The following RAB11FIP3 variants were observed in gnomAD, a reference collection of about 807,000 sequenced individuals.
RAB11FIP3 encodes RAB11 family interacting protein 3, also known as rab11 family-interacting protein 3.
Under a neutral mutation model 77.8 loss-of-function variants are expected in RAB11FIP3, and 17 were observed. That is an observed-to-expected ratio of 0.22 (90% confidence interval 0.15 to 0.33). The LOEUF (loss-of-function observed/expected upper bound fraction) is 0.33. Ranked by LOEUF, RAB11FIP3 falls within the 10% of genes least tolerant of loss-of-function variation. The pLI is 1.00. For missense variants in RAB11FIP3, 1,005 were observed against 1,011.2 expected (o/e 0.99, Z 0.08); for synonymous variants, 437 against 448.2 (o/e 0.98, Z 0.31).
chr16:450,253 T>G (rs2055385140), intron 1 of RAB11FIP3, among the ~76,000 whole-genome samples: 1 of 152,156 alleles, frequency 6.6e-6, no homozygotes, highest in Admixed American at 6.5e-5. Context: ...TACTGCAACC[T>G]CTGCCTCCCG....
intron 2 of RAB11FIP3, among the ~76,000 whole-genome samples, chr16:470,402 G>A (rs2055787777): frequency 6.6e-6 from 1 of 152,174 alleles, no homozygotes; most frequent in Non-Finnish European, 1.5e-5. Flanking sequence ...CAAAGTGCTG[G>A]GATTACAGGC....
chr16:455,942 A>G (rs1169843027), intron 1 of RAB11FIP3, among the ~76,000 whole-genome samples: 2 of 152,192 alleles, frequency 1.3e-5, no homozygotes, highest in East Asian at 3.8e-4. Flanking sequence ...TTTATTGAAC[A>G]TCCTTTCATT....
At chr16:492,443 C>T (rs1427422981) in intron 5 of RAB11FIP3, among the ~76,000 whole-genome samples, 3 of 141,838 alleles carry the variant, frequency 2.1e-5, no homozygotes, top group African/African-American at 7.8e-5. Flanking sequence ...GACCCGAGGC[C>T]GCCCAGGGCC....
At chr16:458,456 C>T (rs28516767) in intron 1 of RAB11FIP3, among the ~76,000 whole-genome samples, 72 of 63,314 alleles carry the variant, frequency 1.1e-3, no homozygotes, top group East Asian at 3.7e-3. Context: ...TCGGGTTCAC[C>T]GATGCCCACA....
At chr16:502,040 G>A (rs1159511659) in intron 6 of RAB11FIP3, among the ~76,000 whole-genome samples, 3 of 152,256 alleles carry the variant, frequency 2.0e-5, no homozygotes, top group Non-Finnish European at 2.9e-5. Context: ...GCTTTTTAAC[G>A]GTCACGCAGT....
chr16:451,877 C>G (rs545137820), intron 1 of RAB11FIP3, among the ~76,000 whole-genome samples: 1 of 150,004 alleles, frequency 6.7e-6, no homozygotes, highest in Non-Finnish European at 1.5e-5. Context: ...GGCCGGGGCT[C>G]GGTGGCTCAT....
At chr16:468,283 T>A (rs1567374359) in intron 2 of RAB11FIP3, among the ~76,000 whole-genome samples, 8 of 144,692 alleles carry the variant, frequency 5.5e-5, no homozygotes, top group East Asian at 2.1e-4. Flanking sequence ...AGGGAGGAGG[T>A]GCAGGGGCGT....
chr16:427,198 T>G (rs2054962993), intron 1 of RAB11FIP3, among the ~76,000 whole-genome samples: 1 of 152,272 alleles, frequency 6.6e-6, no homozygotes, highest in Non-Finnish European at 1.5e-5. Flanking sequence ...ACACCTATTT[T>G]GAGTACAATT....
chr16:466,779 G>T (rs2055708096), intron 2 of RAB11FIP3, among the ~76,000 whole-genome samples: 1 of 152,172 alleles, frequency 6.6e-6, no homozygotes, highest in Non-Finnish European at 1.5e-5. Context: ...TGTCACCTGG[G>T]CCAATCCCAC....
chr16:428,725 A>G (rs1355964315), intron 1 of RAB11FIP3, among the ~76,000 whole-genome samples: 2 of 152,092 alleles, frequency 1.3e-5, no homozygotes, highest in Non-Finnish European at 2.9e-5. Context: ...CAATATCCCT[A>G]TTGTGATAAT....
At chr16:455,911 T>C (rs1262586078) in intron 1 of RAB11FIP3, among the ~76,000 whole-genome samples, 1 of 152,180 alleles carries the variant, frequency 6.6e-6, no homozygotes, top group Non-Finnish European at 1.5e-5. Flanking sequence ...TCAGGCTTTA[T>C]ACTAAGTGCA....
rs150115007 is a variant in RAB11FIP3, at chr16:429,987, C to G, written c.714+3267C>G. On this transcript the variant is annotated intron_variant, in intron 1 of 13. Transcript: ENST00000262305. ...TAGCAATGTCATGGTGTGTTTGGATCTAATTACGTCATCTGGTGATAGATC... is the reference window on the plus strand; with the variant it reads ...TAGCAATGTCATGGTGTGTTTGGATGTAATTACGTCATCTGGTGATAGATC... Among the ~76,000 whole-genome samples the G allele has an allele frequency of 1.2e-4, 19 of 152,210 alleles. No individual in the cohort carries two copies. In the East Asian group the frequency reaches 3.3e-3, roughly 26 times the overall value.
At chr16:503,966 AC>A (rs1348862346) in intron 7 of RAB11FIP3, among the ~76,000 whole-genome samples, 15 of 13,904 alleles carry the variant, frequency 1.1e-3, no homozygotes, top group Non-Finnish European at 1.4e-3. Flanking sequence ...CTCCTCCTGT[AC>A]CCCCTCACCA....
intron 2 of RAB11FIP3, among the ~76,000 whole-genome samples, chr16:468,491 A>G (rs978562341): frequency 1.3e-5 from 2 of 152,108 alleles, no homozygotes; most frequent in Non-Finnish European, 2.9e-5. Flanking sequence ...TTTAGAAGAA[A>G]GGAAAATGTG....
chr16:474,702 G>A (rs2055869073), intron 3 of RAB11FIP3: 1 of 745,376 alleles, frequency 1.3e-6, no homozygotes. Flanking sequence ...AGTGAAATGT[G>A]TCTTTTGTGC....
At chr16:432,492 T>A (rs1352297120) in intron 1 of RAB11FIP3, among the ~76,000 whole-genome samples, 4 of 152,134 alleles carry the variant, frequency 2.6e-5, no homozygotes, top group African/African-American at 9.7e-5. Context: ...AATTAAATAT[T>A]TAATATGTAA....
chr16:497,582 G>A lies in RAB11FIP3; in HGVS notation c.1301+723G>A, dbSNP rs531737391. 164 of 755,310 alleles carry A rather than the reference G, an allele frequency of 2.2e-4. 3 individuals are homozygous for A. The African/African-American group carries it at 2.8e-3, about 13-fold the overall frequency. The allele number at this position is 755,310 out of a possible 1,614,324, so 46.8% of individuals were successfully genotyped here. On this transcript the variant is annotated intron_variant, in intron 6 of 13. Coordinates refer to ENST00000262305, the MANE Select transcript of RAB11FIP3 (RefSeq NM_014700.4). ...CCCTCTGGAGCCTCCTCTCTGCCCTGTTGTGCCGGGCGTTCTCCAGGCCTC... is the reference window on the plus strand; with the variant it reads ...CCCTCTGGAGCCTCCTCTCTGCCCTATTGTGCCGGGCGTTCTCCAGGCCTC...
intron 1 of RAB11FIP3, among the ~76,000 whole-genome samples, chr16:441,613 G>T (rs1422706417): frequency 6.6e-6 from 1 of 152,204 alleles, no homozygotes; most frequent in Non-Finnish European, 1.5e-5. Context: ...ACCCTAATGT[G>T]CACAGGGACT....
intron 8 of RAB11FIP3, 108 bp from the exon 9 acceptor site, chr16:510,552 C>G (rs996385094): frequency 1.5e-6 from 2 of 1,315,550 alleles, no homozygotes; most frequent in African/African-American, 3.0e-5. Context: ...TGCCCTACTC[C>G]CGAGTGGAGG....
Sources: gnomAD v4.1 joint callset for allele counts (sites outside exome capture counted in the v4.1 genomes callset) on GRCh38, gnomAD v4.1.1 for gene constraint, MANE v1.5 for transcripts, NCBI Gene and HGNC (gene_info 2026-07-23, HGNC 2026-07-21) for gene names.